The following RALGPS1 variants were observed in gnomAD, a reference collection of about 807,000 sequenced individuals.
The protein encoded by RALGPS1 is Ral GEF with PH domain and SH3 binding motif 1, also known as ras-specific guanine nucleotide-releasing factor RalGPS1.
In RALGPS1, 19 loss-of-function variants were observed where a neutral mutation model predicts 78.8. The ratio of observed to expected loss-of-function variants is 0.24; its 90% CI spans 0.17 to 0.35. The LOEUF (loss-of-function observed/expected upper bound fraction) is 0.35. RALGPS1 is among the 10% of genes least tolerant of loss of function. The pLI is 1.00. For synonymous variants in RALGPS1, 228 were observed against 256.3 expected (o/e 0.89, Z 1.06); for missense variants, 454 against 688.3 (o/e 0.66, Z 3.81).
chr9:127,156,803 C>A (rs188616125), intron 8 of RALGPS1, among the ~76,000 whole-genome samples: 2 of 152,060 alleles, frequency 1.3e-5, no homozygotes, highest in African/African-American at 4.8e-5. Flanking sequence ...TAAGCCTTTG[C>A]GTACCTCAGC....
intron 14 of RALGPS1, among the ~76,000 whole-genome samples, chr9:127,202,107 C>G (rs1425553560): frequency 6.6e-6 from 1 of 152,154 alleles, no homozygotes; most frequent in Non-Finnish European, 1.5e-5. Context: ...GCCCCTCAAC[C>G]CTGGTAATAA....
At chr9:127,019,714 T>C (rs1430919287) in intron 4 of RALGPS1, among the ~76,000 whole-genome samples, 1 of 152,160 alleles carries the variant, frequency 6.6e-6, no homozygotes, top group East Asian at 1.9e-4. Context: ...GCTTGACATT[T>C]GTGTTTCCAG....
At chr9:127,144,110 C>T (rs911809264) in intron 8 of RALGPS1, among the ~76,000 whole-genome samples, 7 of 152,224 alleles carry the variant, frequency 4.6e-5, no homozygotes, top group Admixed American at 4.6e-4. Context: ...CCTGCCACCT[C>T]CTTTTCTCCT....
intron 8 of RALGPS1, among the ~76,000 whole-genome samples, chr9:127,139,519 G>A (rs895485884): frequency 1.6e-4 from 25 of 152,364 alleles, no homozygotes; most frequent in African/African-American, 4.3e-4. Context: ...ATGACCCAGC[G>A]CTTGGAGCGT....
chr9:126,952,540 T>A (rs2037920825), intron 1 of RALGPS1, among the ~76,000 whole-genome samples: 1 of 152,014 alleles, frequency 6.6e-6, no homozygotes, highest in African/African-American at 2.4e-5. Context: ...TTTCTTGAAC[T>A]CCTGGCAGGA....
intron 8 of RALGPS1, among the ~76,000 whole-genome samples, chr9:127,115,284 C>T (rs568586466): frequency 6.1e-4 from 93 of 152,234 alleles, no homozygotes; most frequent in African/African-American, 2.1e-3. Context: ...CTGCCTCCCG[C>T]TTTCAAGCAG....
At chr9:127,003,903 A>T (rs762123948) in intron 4 of RALGPS1, among the ~76,000 whole-genome samples, 1 of 152,088 alleles carries the variant, frequency 6.6e-6, no homozygotes, top group Non-Finnish European at 1.5e-5. Context: ...TCAGCACTTT[A>T]TGTTGTCAGA....
At chr9:126,922,775 T>C (rs895920969) in intron 1 of RALGPS1, among the ~76,000 whole-genome samples, 1 of 152,214 alleles carries the variant, frequency 6.6e-6, no homozygotes, top group Non-Finnish European at 1.5e-5. Context: ...GAGTCCACAT[T>C]TGTTCTTGCG....
chr9:127,217,378 C>G (rs955111535), intron 18 of RALGPS1: 1 of 995,338 alleles, frequency 1.0e-6, no homozygotes, highest in African/African-American at 1.7e-5. Context: ...AAGTGAATCA[C>G]AGTACATCCG....
intron 4 of RALGPS1, among the ~76,000 whole-genome samples, chr9:126,987,673 G>T (rs1460524608): frequency 6.6e-6 from 1 of 152,160 alleles, no homozygotes; most frequent in Non-Finnish European, 1.5e-5. Context: ...AAGTGCTCGT[G>T]TTTTTTCCAG....
intron 4 of RALGPS1, among the ~76,000 whole-genome samples, chr9:127,022,281 T>C (rs2045530985): frequency 6.6e-6 from 1 of 152,090 alleles, no homozygotes. Context: ...ACACAGCCCT[T>C]AACAGGTATT....
intron 11 of RALGPS1, among the ~76,000 whole-genome samples, chr9:127,177,438 C>A (rs552263619): frequency 6.6e-6 from 1 of 152,336 alleles, no homozygotes; most frequent in East Asian, 1.9e-4. Context: ...AGGGCGATGG[C>A]GACAGAGGCT....
At chr9:127,149,084 G>C (rs1047408100) in intron 8 of RALGPS1, among the ~76,000 whole-genome samples, 5 of 152,236 alleles carry the variant, frequency 3.3e-5, no homozygotes, top group Non-Finnish European at 7.3e-5. Flanking sequence ...CAGAGGAACT[G>C]TTCTGGCCGA....
chr9:127,180,735 G>C (rs780391063), intron 11 of RALGPS1, among the ~76,000 whole-genome samples: 1 of 152,192 alleles, frequency 6.6e-6, no homozygotes, highest in African/African-American at 2.4e-5. Flanking sequence ...TGTCACTCAC[G>C]AGCCACCCCA....
intron 10 of RALGPS1, among the ~76,000 whole-genome samples, chr9:127,173,357 G>T (rs942422426): frequency 2.0e-5 from 3 of 152,186 alleles, no homozygotes; most frequent in African/African-American, 7.2e-5. Context: ...CTCAGACCCA[G>T]TGAGACCCCT....
chr9:126,975,855 G>A (rs975777661), intron 3 of RALGPS1, among the ~76,000 whole-genome samples: 3 of 152,168 alleles, frequency 2.0e-5, no homozygotes, highest in African/African-American at 7.2e-5. Context: ...TTCCGCTCCA[G>A]TGCTTCCTTA....
rs60878534 is a variant in RALGPS1, at chr9:127,074,709, T to C, written c.610+5353T>C. Among the ~76,000 whole-genome samples, 888 of 152,382 alleles carry C rather than the reference T, an allele frequency of 5.8e-3. 30 individuals carry two copies. The East Asian group carries it at 0.084, about 14-fold the overall frequency. On this transcript the variant is annotated intron_variant, in intron 8 of 18. Coordinates refer to ENST00000259351, the MANE Select transcript of RALGPS1 (RefSeq NM_014636.3). The stretch of plus-strand genomic sequence containing the variant: ...GCATCATTTCACTGAATGCGCACAA[T>C]AGCCCAGTGAATAAGCAGGCAGTGA...
chr9:127,202,900 G>A (rs1400902398), intron 14 of RALGPS1, among the ~76,000 whole-genome samples: 16 of 149,990 alleles, frequency 1.1e-4, no homozygotes, highest in Admixed American at 2.0e-4. Flanking sequence ...GTGGGGAGGC[G>A]GCCGCAGGGC....
At position 127,198,774 on chromosome 9, in the gene RALGPS1, C is replaced by G. The variant is rs147146602; in HGVS notation, c.1196-241C>G. Among the ~76,000 whole-genome samples, 101 of 152,310 alleles carry G rather than the reference C, an allele frequency of 6.6e-4. 1 individual carries two copies. The highest frequency in any genetic ancestry group is 2.4e-3 in the African/African-American group (98 of 41,582). On this transcript the variant is annotated intron_variant, in intron 13 of 18. Coordinates refer to ENST00000259351, the MANE Select transcript of RALGPS1 (RefSeq NM_014636.3). ...CCCCAGCGGGCCAGTGGGCAGTTAG[C>G]TGTGGCCCCCGGGGGCAGTGGGAAG...
Sources: gnomAD v4.1 joint callset for allele counts (sites outside exome capture counted in the v4.1 genomes callset) on GRCh38, gnomAD v4.1.1 for gene constraint, MANE v1.5 for transcripts, NCBI Gene and HGNC (gene_info 2026-07-23, HGNC 2026-07-21) for gene names.